The following RNF14 variants were observed in gnomAD, a reference collection of about 807,000 sequenced individuals.
RNF14 encodes the protein E3 ubiquitin-protein ligase RNF14.
In RNF14, 26 loss-of-function variants were observed where a neutral mutation model predicts 52.6. The observed-to-expected ratio is 0.49, with a 90% CI of 0.36 to 0.69. The LOEUF is 0.69. Among genes scored for constraint, RNF14 ranks in the 30% least tolerant of loss-of-function variants. The pLI is 0.00. For missense variants in RNF14, 404 were observed against 560.4 expected (o/e 0.72, Z 2.82); for synonymous variants, 194 against 202.0 (o/e 0.96, Z 0.34).
rs1406800413 is a variant in RNF14 at position 141,978,322 on chromosome 5, A to C, written c.326A>C (p.His109Pro). 2 of 1,605,250 alleles carry C rather than the reference A, an allele frequency of 1.2e-6. No homozygotes were observed. The highest frequency in any genetic ancestry group is 2.7e-5 in the African/African-American group (2 of 74,638). Reference protein sequence around the residue: ...SPTQLSALCKHLDNLWEEHRG... With the variant: ...SPTQLSALCKPLDNLWEEHRG... ...TCCTAGCTATCTGCTCTATGCAAGC[A>C]CTTAGACAACCTATGGGAAGAACAC... The change falls in exon 5 of 9, where the codon CAC becomes CCC. Residue 109 changes from histidine (H) to proline (P), a missense_variant. His to Pro is a moderately conservative substitution (Grantham distance 77). Coordinates refer to ENST00000394520, the MANE Select transcript of RNF14 (RefSeq NM_004290.5).
the RNF14 span, among the ~76,000 whole-genome samples, chr5:141,952,066 T>C: frequency 6.6e-6 from 1 of 152,234 alleles, no homozygotes; most frequent in South Asian, 2.1e-4. Context: ...CATTTATTCA[T>C]CTTTTCATTC....
At chr5:141,977,715 T>A (rs1435621802) in intron 4 of RNF14, among the ~76,000 whole-genome samples, 2 of 152,236 alleles carry the variant, frequency 1.3e-5, no homozygotes, top group African/African-American at 4.8e-5. Context: ...AAGCCCAGAT[T>A]GCTTACTTAA....
upstream of RNF14, chr5:141,956,799 G>A: frequency 6.2e-7 from 1 of 1,614,254 alleles, no homozygotes. Flanking sequence ...TGACGTGGAT[G>A]CTTGGGATGT....
intron 3 of RNF14, among the ~76,000 whole-genome samples, chr5:141,974,600 T>C (rs1233743572): frequency 6.6e-6 from 1 of 152,224 alleles, no homozygotes; most frequent in East Asian, 1.9e-4. Context: ...ATACATTTCA[T>C]GGTGCTGTAG....
chr5:141,970,037 A>G (rs1753604800), intron 1 of RNF14, among the ~76,000 whole-genome samples: 1 of 152,172 alleles, frequency 6.6e-6, no homozygotes, highest in South Asian at 2.1e-4. Context: ...TCTGAATCTC[A>G]TTCTTATCTC....
upstream of RNF14, among the ~76,000 whole-genome samples, chr5:141,967,415 T>G (rs188310327): frequency 2.0e-5 from 3 of 152,234 alleles, no homozygotes; most frequent in Non-Finnish European, 2.9e-5. Flanking sequence ...TTTGGTGCAC[T>G]CATCACTCGA....
chr5:141,952,025 A>G, the RNF14 span, among the ~76,000 whole-genome samples: 1 of 152,242 alleles, frequency 6.6e-6, no homozygotes, highest in African/African-American at 2.4e-5. Flanking sequence ...ACTATGTTGT[A>G]GAGAAGGCAA....
At chr5:141,981,960 T>C (rs1180795200) in intron 6 of RNF14, among the ~76,000 whole-genome samples, 1 of 152,116 alleles carries the variant, frequency 6.6e-6, no homozygotes, top group Non-Finnish European at 1.5e-5. Flanking sequence ...GAAAGTACCA[T>C]GAGAGGAAAG....
At chr5:141,949,631 A>G in the RNF14 span, 2 of 1,576,376 alleles carry the variant, frequency 1.3e-6, no homozygotes, top group Non-Finnish European at 1.7e-6. Flanking sequence ...TCCCATATAG[A>G]TTCATTCATT....
intron 7 of RNF14, 32 bp downstream of exon 7, chr5:141,983,584 C>A (rs371145348): frequency 1.6e-5 from 25 of 1,576,506 alleles, no homozygotes; most frequent in Non-Finnish European, 1.8e-5. Context: ...TGGAGGCCAT[C>A]AGACTTGCAA....
upstream of RNF14, chr5:141,957,664 C>T: frequency 6.2e-7 from 1 of 1,614,178 alleles, no homozygotes; most frequent in Admixed American, 1.7e-5. The surrounding 1 kb of genome is among the most constrained non-coding windows in gnomAD (Gnocchi z 4.3). Flanking sequence ...GAAGGCAGCC[C>T]CAGCTTGCCT....
chr5:141,976,486 TAATC>T (rs997604968), intron 4 of RNF14, among the ~76,000 whole-genome samples: 8 of 152,292 alleles, frequency 5.3e-5, no homozygotes, highest in South Asian at 4.1e-4. Context: ...GTAGAATTCT[TAATC>T]AAATAAATGT....
At chr5:141,964,727 T>A (rs949517926), upstream of RNF14, among the ~76,000 whole-genome samples, 12 of 151,954 alleles carry the variant, frequency 7.9e-5, no homozygotes, top group Non-Finnish European at 1.5e-4. Context: ...GATTCTCCTG[T>A]CTCGGCCTCC....
the RNF14 span, among the ~76,000 whole-genome samples, chr5:141,950,980 T>A: frequency 6.6e-6 from 1 of 152,200 alleles, no homozygotes; most frequent in Non-Finnish European, 1.5e-5. Flanking sequence ...CAAGTTTACA[T>A]AGCTGGTTTG....
At chr5:141,982,291 G>C (rs564887963) in intron 6 of RNF14, among the ~76,000 whole-genome samples, 1 of 152,144 alleles carries the variant, frequency 6.6e-6, no homozygotes, top group Non-Finnish European at 1.5e-5. Flanking sequence ...ACACAAAAAT[G>C]CATTGAATTA....
At chr5:141,983,631 A>G (rs528023817) in intron 7 of RNF14, 79 bp downstream of exon 7, 26 of 1,244,422 alleles carry the variant, frequency 2.1e-5, no homozygotes, top group South Asian at 2.1e-4. Flanking sequence ...TTACTAGTCA[A>G]TTTTATGACT....
At chr5:141,961,480 G>A (rs549550949) in intron 1 of RNF14, among the ~76,000 whole-genome samples, 4 of 152,118 alleles carry the variant, frequency 2.6e-5, no homozygotes, top group Non-Finnish European at 4.4e-5. Flanking sequence ...ATCTTTAGCA[G>A]TCAAATGCCA....
chr5:141,949,539 C>A, the RNF14 span: 1 of 1,614,190 alleles, frequency 6.2e-7, no homozygotes, highest in Non-Finnish European at 8.5e-7. Context: ...GTCTGTCTGG[C>A]CTCCAGCCCT....
chr5:141,971,792 C>T (rs570778308), intron 2 of RNF14, among the ~76,000 whole-genome samples: 14 of 151,658 alleles, frequency 9.2e-5, no homozygotes, highest in Non-Finnish European at 2.1e-4. Context: ...GGATTACATG[C>T]GTGTACCACA....
Sources: gnomAD v4.1 joint callset for allele counts (sites outside exome capture counted in the v4.1 genomes callset) on GRCh38, gnomAD v4.1.1 for gene constraint, Gnocchi (gnomAD v3.1) non-coding constraint, MANE v1.5 for transcripts, NCBI Gene and HGNC (gene_info 2026-07-23, HGNC 2026-07-21) for gene names.